The following ITGA1 variants were observed in gnomAD, a reference collection of about 807,000 sequenced individuals.
The protein encoded by ITGA1 is integrin alpha-1.
In ITGA1, 85 loss-of-function variants were observed where a neutral mutation model predicts 145.9. That is an observed-to-expected ratio of 0.58 (90% CI 0.49 to 0.70). The LOEUF is 0.70. ITGA1 is among the 30% of genes least tolerant of loss of function. The pLI, the probability that ITGA1 is intolerant of heterozygous loss-of-function variation, is 0.00. For missense variants in ITGA1, 1,351 were observed against 1,418.7 expected, an observed-to-expected ratio of 0.95 and a Z score of 0.77; for synonymous variants, 520 against 495.3, an observed-to-expected ratio of 1.05 and a Z score of -0.66.
chr5:52,844,341 A>G (rs10461406), intron 1 of ITGA1, among the ~76,000 whole-genome samples: 26,773 of 152,100 alleles, frequency 0.18, 2,642 homozygotes, highest in East Asian at 0.43. Flanking sequence ...CTTCTCCCCA[A>G]ATTTGCCTCT....
At chr5:52,854,782 G>A (rs1749481646) in intron 2 of ITGA1, among the ~76,000 whole-genome samples, 1 of 152,138 alleles carries the variant, frequency 6.6e-6, no homozygotes, top group Admixed American at 6.5e-5. Context: ...GATAACTATT[G>A]TGAATAGCAA....
At chr5:52,838,722 G>A (rs1749202817) in intron 1 of ITGA1, among the ~76,000 whole-genome samples, 1 of 152,066 alleles carries the variant, frequency 6.6e-6, no homozygotes, top group African/African-American at 2.4e-5. Context: ...TAAAACATTT[G>A]TAAAAGTCTA....
chr5:52,865,915 A>G (rs988587851), intron 6 of ITGA1, 98 bp downstream of exon 6: 19 of 967,628 alleles, frequency 2.0e-5, no homozygotes, highest in Admixed American at 1.9e-4. Context: ...AATCAATAAA[A>G]CTAAAGTTGA....
intron 17 of ITGA1, among the ~76,000 whole-genome samples, chr5:52,921,385 T>A (rs1346684706): frequency 6.6e-6 from 1 of 152,130 alleles, no homozygotes; most frequent in Admixed American, 6.6e-5. Context: ...TGTGCACCCT[T>A]TTGTGCCACA....
intron 12 of ITGA1, among the ~76,000 whole-genome samples, chr5:52,908,187 A>G (rs1750440785): frequency 6.6e-6 from 1 of 152,186 alleles, no homozygotes; most frequent in Non-Finnish European, 1.5e-5. Flanking sequence ...AGTAAGAGTA[A>G]AATTGCAGAA....
At chr5:52,887,564 T>C (rs73106351) in intron 7 of ITGA1, among the ~76,000 whole-genome samples, 2,338 of 152,260 alleles carry the variant, frequency 0.015, 66 homozygotes, top group African/African-American at 0.054. Context: ...AAGAATGAAA[T>C]ACTGCTGCCT....
chr5:52,942,763 G>A (rs1295788844), intron 26 of ITGA1, among the ~76,000 whole-genome samples: 1 of 149,394 alleles, frequency 6.7e-6, no homozygotes, highest in Admixed American at 6.7e-5. Context: ...GGATGGTCTC[G>A]ATCTCCTGAC....
chr5:52,867,631 C>T (rs901800828), intron 6 of ITGA1, among the ~76,000 whole-genome samples: 5 of 152,062 alleles, frequency 3.3e-5, no homozygotes, highest in South Asian at 2.1e-4. Flanking sequence ...CTCTTCCTTC[C>T]TCCTTTCCTC....
chr5:52,810,164 G>C (rs1486656624), intron 1 of ITGA1, among the ~76,000 whole-genome samples: 1 of 152,138 alleles, frequency 6.6e-6, no homozygotes, highest in Admixed American at 6.5e-5. Flanking sequence ...GAGACATTCT[G>C]TCCCTTTCCA....
At chr5:52,815,113 A>C (rs1377981596) in intron 1 of ITGA1, among the ~76,000 whole-genome samples, 9 of 152,250 alleles carry the variant, frequency 5.9e-5, no homozygotes, top group Admixed American at 5.9e-4. Flanking sequence ...GAGAAAAATC[A>C]GCTAGCAAAT....
At chr5:52,851,998 T>C (rs1236260671) in intron 2 of ITGA1, among the ~76,000 whole-genome samples, 2 of 152,190 alleles carry the variant, frequency 1.3e-5, no homozygotes, top group Non-Finnish European at 2.9e-5. Context: ...CAGTGCAGAA[T>C]AGACTATAAA....
At chr5:52,800,162 T>C (rs1488408385) in intron 1 of ITGA1, 20 of 562,684 alleles carry the variant, frequency 3.6e-5, no homozygotes, top group Non-Finnish European at 5.7e-5. Context: ...CGCTGCAGTG[T>C]TCCCCGAGCC....
At chr5:52,906,842 A>T (rs768708529) in intron 12 of ITGA1, among the ~76,000 whole-genome samples, 10 of 152,146 alleles carry the variant, frequency 6.6e-5, no homozygotes, top group Non-Finnish European at 1.2e-4. Flanking sequence ...CGCAGCAGTA[A>T]AGCTCAGGTG....
chr5:52,790,809 T>C (rs1483497103), intron 1 of ITGA1, among the ~76,000 whole-genome samples: 1 of 152,244 alleles, frequency 6.6e-6, no homozygotes, highest in Non-Finnish European at 1.5e-5. Context: ...CATGGATATC[T>C]TTGGGAGACC....
intron 6 of ITGA1, among the ~76,000 whole-genome samples, chr5:52,874,904 A>T (rs948783022): frequency 3.3e-5 from 5 of 152,218 alleles, no homozygotes; most frequent in African/African-American, 9.6e-5. Context: ...ACTGTTGTAG[A>T]ACATTGTTTC....
chr5:52,950,822 G>T (rs1751207410), intron 28 of ITGA1, among the ~76,000 whole-genome samples: 1 of 152,158 alleles, frequency 6.6e-6, no homozygotes, highest in South Asian at 2.1e-4. Flanking sequence ...AGGAGAAAAA[G>T]TCTTAGAATC....
At chr5:52,831,716 A>G (rs1580052203) in intron 1 of ITGA1, among the ~76,000 whole-genome samples, 1 of 151,492 alleles carries the variant, frequency 6.6e-6, no homozygotes, top group Admixed American at 6.6e-5. Context: ...GAGACAATAT[A>G]TTTTTTTTAC....
chr5:52,826,747 G>T (rs1748973249), intron 1 of ITGA1, among the ~76,000 whole-genome samples: 1 of 152,210 alleles, frequency 6.6e-6, no homozygotes. Context: ...CAGCATATCT[G>T]TTTACAGCAT....
intron 12 of ITGA1, among the ~76,000 whole-genome samples, chr5:52,906,167 T>G (rs1482006668): frequency 1.3e-5 from 2 of 152,152 alleles, no homozygotes; most frequent in South Asian, 4.1e-4. Context: ...ATCCAAAACA[T>G]TAAGAGGCAT....
Sources: gnomAD v4.1 joint callset for allele counts (sites outside exome capture counted in the v4.1 genomes callset) on GRCh38, gnomAD v4.1.1 for gene constraint, MANE v1.5 for transcripts, NCBI Gene and HGNC (gene_info 2026-07-23, HGNC 2026-07-21) for gene names.